The following AXIN1 variants were observed in gnomAD, a reference collection of about 807,000 sequenced individuals.
AXIN1 encodes the protein axin 1, also known as axin-1.
A neutral mutation model predicts 76.4 loss-of-function variants in AXIN1; 30 were observed. That is an observed-to-expected ratio of 0.39 (90% CI 0.29 to 0.53). AXIN1 has a LOEUF of 0.53. Among genes scored for constraint, AXIN1 ranks in the 20% least tolerant of loss-of-function variants. The pLI is 0.66. For missense variants in AXIN1, 1,140 were observed against 1,198.8 expected (o/e 0.95, Z 0.72); for synonymous variants, 545 against 501.4 (o/e 1.09, Z -1.16).
Position 341,465 on chromosome 16 carries a change from G to A in AXIN1, c.878+4683C>T, listed in dbSNP as rs142425699. On this transcript the variant is annotated intron_variant, in intron 2 of 10. Coordinates refer to ENST00000262320, the MANE Select transcript of AXIN1 (RefSeq NM_003502.4). ...GGCAGTGCCGGCCCACCGGAGCTGC[G>A]CTCAATTTCTCGCTGGGTCTTAACT... 2.4e-3 allele frequency among the ~76,000 whole-genome samples: 363 copies of A among 152,350 alleles called. 1 individual carries two copies. Among genetic ancestry groups the A allele is most frequent in the African/African-American group, 8.3e-3 (346 of 41,578 alleles).
chr16:320,739 A>ATTTTT lies in AXIN1; in HGVS notation c.879-6057_879-6056insAAAAA, dbSNP rs1442116204. On this transcript the variant is annotated intron_variant, in intron 2 of 10. Transcript: ENST00000262320. ...CGTGTGTGTGTATATATATATATATATATATTTTTTTTTTTTTTGAGACGG... is the reference window on the plus strand; with the variant it reads ...CGTGTGTGTGTATATATATATATATATTTTTTATATTTTTTTTTTTTTTGAGACGG... Among the ~76,000 whole-genome samples the ATTTTT allele has an allele frequency of 2.7e-3, 250 of 91,948 alleles. 3 individuals are homozygous for ATTTTT. The highest frequency in any genetic ancestry group is 9.2e-3 in the African/African-American group (138 of 15,012). 60.3% of individuals were successfully genotyped at this position (91,948 alleles called of 152,430 possible).
rs780718438 is a variant in AXIN1 at position 347,069 on chromosome 16, A to G, written c.-44T>C. 1.3e-5 allele frequency: 21 copies of G among 1,613,300 alleles called. No individual in the cohort carries two copies. Among genetic ancestry groups the G allele is most frequent in the Non-Finnish European group, 1.8e-5 (21 of 1,180,010 alleles). Reference sequence around the variant, plus strand: ...GGAACAATGAGCGCTGCACCCTAATACATCAGTACTTACAGCTCCAAAGTG... The same window carrying G: ...GGAACAATGAGCGCTGCACCCTAATGCATCAGTACTTACAGCTCCAAAGTG... On this transcript the variant is annotated 5_prime_UTR_variant, in exon 2 of 11. Coordinates refer to ENST00000262320, the MANE Select transcript of AXIN1 (RefSeq NM_003502.4).
intron 2 of AXIN1, among the ~76,000 whole-genome samples, chr16:332,870 G>A (rs1159596568): frequency 1.3e-5 from 2 of 152,100 alleles, no homozygotes; most frequent in African/African-American, 2.4e-5. Flanking sequence ...AAGATGGAGA[G>A]AAGGAATTAT....
chr16:306,916 C>T (rs542789330), intron 4 of AXIN1, among the ~76,000 whole-genome samples: 3 of 152,306 alleles, frequency 2.0e-5, no homozygotes, highest in South Asian at 4.1e-4. Context: ...GGTGTGTGGA[C>T]GGCAGGGCGT....
Position 289,537 on chromosome 16 carries a change from A to G in AXIN1, c.2365T>C (p.Phe789Leu). 1 of 1,613,040 alleles carries G rather than the reference A, an allele frequency of 6.2e-7. No individual in the cohort carries two copies. Among genetic ancestry groups the G allele is most frequent in the East Asian group, 2.2e-5 (1 of 44,886 alleles). Reference sequence around the variant, plus strand: ...CGGTAGGGGATGGGTTCCCCGCAGAAGTAGTACGCCACAACGATGCTGTCA... The same window carrying G: ...CGGTAGGGGATGGGTTCCCCGCAGAGGTAGTACGCCACAACGATGCTGTCA... Reference protein sequence around the residue: ...PCDSIVVAYYFCGEPIPYRTL... With the variant: ...PCDSIVVAYYLCGEPIPYRTL... The change falls in exon 10 of 11, where the codon TTC becomes CTC. Residue 789 changes from phenylalanine to leucine, a missense_variant. Around this residue, in one of 3 missense-constraint regions of AXIN1, gnomAD observed 429 missense variants for 405.8 expected, o/e 1.06. Transcript: ENST00000262320.
chr16:297,003 G>A (rs2141501299), intron 7 of AXIN1, 53 bp downstream of exon 7: 1 of 1,591,630 alleles, frequency 6.3e-7, no homozygotes, highest in Non-Finnish European at 8.5e-7. Context: ...CTGTGCGGAG[G>A]CCAGGGGTGG....
At chr16:340,104 G>A (rs889957727) in intron 2 of AXIN1, among the ~76,000 whole-genome samples, 2 of 151,240 alleles carry the variant, frequency 1.3e-5, no homozygotes, top group Non-Finnish European at 2.9e-5. Flanking sequence ...CAGAAACACA[G>A]TCAATAAACT....
chr16:346,063 G>T, intron 2 of AXIN1, 85 bp downstream of exon 2: 1 of 1,400,212 alleles, frequency 7.1e-7, no homozygotes, highest in Non-Finnish European at 9.9e-7. Flanking sequence ...GTGGGTTAAC[G>T]CCCGCCTCAT....
At chr16:318,192 T>C (rs972064158) in intron 2 of AXIN1, among the ~76,000 whole-genome samples, 11 of 152,258 alleles carry the variant, frequency 7.2e-5, no homozygotes, top group African/African-American at 2.7e-4. Flanking sequence ...TCTGTGTTCA[T>C]GTGTCCAATT....
intron 4 of AXIN1, among the ~76,000 whole-genome samples, chr16:306,784 T>C (rs980635664): frequency 1.3e-5 from 2 of 152,200 alleles, no homozygotes; most frequent in African/African-American, 4.8e-5. Context: ...TGCTGGAGTC[T>C]GGGCCGTGCA....
At chr16:312,663 T>C (rs2053209032) in intron 3 of AXIN1, among the ~76,000 whole-genome samples, 2 of 151,950 alleles carry the variant, frequency 1.3e-5, no homozygotes, top group Admixed American at 1.3e-4. Flanking sequence ...ATTTTGAAGA[T>C]TCAAAATTAA....
At chr16:301,734 C>T (rs1001792859) in intron 5 of AXIN1, among the ~76,000 whole-genome samples, 5 of 152,176 alleles carry the variant, frequency 3.3e-5, no homozygotes, top group Non-Finnish European at 4.4e-5. Context: ...TTACAGACGG[C>T]CAACATGACA....
At chr16:314,734 C>A (rs777481331) in intron 2 of AXIN1, 51 bp from the exon 3 acceptor site, 2 of 1,607,114 alleles carry the variant, frequency 1.2e-6, no homozygotes, top group Admixed American at 3.3e-5. Flanking sequence ...AACAGCCTCT[C>A]ATTTTATTTC....
intron 4 of AXIN1, among the ~76,000 whole-genome samples, chr16:305,680 A>T (rs372203137): frequency 3.9e-5 from 6 of 151,984 alleles, no homozygotes; most frequent in Non-Finnish European, 8.8e-5. Flanking sequence ...AGTAGCTGGG[A>T]CTACAGGCGC....
intron 2 of AXIN1, among the ~76,000 whole-genome samples, chr16:329,840 A>G (rs1405179067): frequency 7.1e-6 from 1 of 140,402 alleles, no homozygotes; most frequent in Non-Finnish European, 1.5e-5. Flanking sequence ...TCACTGTATT[A>G]GCCAGGATGG....
At chr16:321,671 C>T (rs939110302) in intron 2 of AXIN1, among the ~76,000 whole-genome samples, 1 of 151,800 alleles carries the variant, frequency 6.6e-6, no homozygotes, top group African/African-American at 2.4e-5. Context: ...AGGGTTAAAC[C>T]CTCTCATAGC....
chr16:323,005 C>T lies in AXIN1; in HGVS notation c.879-8322G>A, dbSNP rs557992484. ...TGCCAATGCCACTTGCTTCCCAAAA[C>T]TGAGAGCCAAGCGTGGCTCAGGCCT... On this transcript the variant is annotated intron_variant, in intron 2 of 10. Coordinates refer to ENST00000262320, the MANE Select transcript of AXIN1 (RefSeq NM_003502.4). 3.3e-4 allele frequency among the ~76,000 whole-genome samples: 50 copies of T among 152,216 alleles called. 1 individual carries two copies. Among genetic ancestry groups the T allele is most frequent in the Admixed American group, 1.1e-3 (17 of 15,280 alleles).
intron 5 of AXIN1, among the ~76,000 whole-genome samples, chr16:301,793 C>T (rs990821875): frequency 2.0e-5 from 3 of 152,160 alleles, no homozygotes; most frequent in African/African-American, 7.2e-5. Flanking sequence ...GACACAACAA[C>T]AAAACAGCAA....
At position 288,058 on chromosome 16, in the gene AXIN1, C is replaced by G. The variant is rs964451516; in HGVS notation, c.*64G>C. On this transcript the variant is annotated 3_prime_UTR_variant, in exon 11 of 11. Transcript: ENST00000262320. ...GGGCTCCTGAGTACGAGGTCATCTG[C>G]CTGGCCGTGACACCCGTGCCCGCCA... The G allele has an allele frequency of 1.9e-6, 3 of 1,610,580 alleles. No homozygotes were observed. The East Asian group carries it at 6.7e-5, about 36-fold the overall frequency.
Sources: gnomAD v4.1 joint callset for allele counts (sites outside exome capture counted in the v4.1 genomes callset) on GRCh38, gnomAD v4.1.1 for gene constraint, gnomAD v4.1.1 regional missense constraint, MANE v1.5 for transcripts, NCBI Gene and HGNC (gene_info 2026-07-23, HGNC 2026-07-21) for gene names.